ARFIP1: variants seen among roughly 807,000 people sequenced by gnomAD.
ARFIP1 encodes arfaptin-1.
A neutral mutation model predicts 42.5 loss-of-function variants in ARFIP1; 24 were observed. That is an observed-to-expected ratio of 0.57 (90% confidence interval 0.41 to 0.80). The LOEUF (loss-of-function observed/expected upper bound fraction) is 0.80, where lower values mean the gene tolerates loss of function less well. Among genes scored for constraint, ARFIP1 ranks in the 30% least tolerant of loss-of-function variants. The pLI, the probability that ARFIP1 is intolerant of heterozygous loss-of-function variation, is 0.00. For missense variants in ARFIP1, 354 were observed against 434.0 expected (o/e 0.82, Z 1.64); for synonymous variants, 141 against 153.7 (o/e 0.92, Z 0.61).
At chr4:152,857,333 A>G (rs554114944) in intron 2 of ARFIP1, among the ~76,000 whole-genome samples, 3 of 152,358 alleles carry the variant, frequency 2.0e-5, no homozygotes, top group South Asian at 2.1e-4. Flanking sequence ...ATTTAAATAA[A>G]TCTTTTAGAA....
At chr4:152,801,073 G>A (rs541552151) in intron 1 of ARFIP1, among the ~76,000 whole-genome samples, 12 of 152,302 alleles carry the variant, frequency 7.9e-5, no homozygotes, top group African/African-American at 2.6e-4. Flanking sequence ...GATTTTGAGT[G>A]TCAAGCTGAG....
chr4:152,823,258 T>G (rs1156363779), intron 1 of ARFIP1, among the ~76,000 whole-genome samples: 1 of 152,160 alleles, frequency 6.6e-6, no homozygotes, highest in Non-Finnish European at 1.5e-5. Flanking sequence ...TCGAGACTAC[T>G]GTGGACACCT....
intron 8 of ARFIP1, among the ~76,000 whole-genome samples, chr4:152,903,139 C>T (rs1737988972): frequency 6.6e-6 from 1 of 152,058 alleles, no homozygotes; most frequent in Non-Finnish European, 1.5e-5. Flanking sequence ...GCATTGAGGA[C>T]ATTATACACA....
At chr4:152,788,248 T>A (rs769580844) in intron 1 of ARFIP1, among the ~76,000 whole-genome samples, 1 of 152,136 alleles carries the variant, frequency 6.6e-6, no homozygotes, top group Non-Finnish European at 1.5e-5. Flanking sequence ...AAATGTGTTA[T>A]TAGTAGCTAT....
At chr4:152,804,704 T>C (rs932921503) in intron 1 of ARFIP1, among the ~76,000 whole-genome samples, 1 of 151,224 alleles carries the variant, frequency 6.6e-6, no homozygotes, top group Non-Finnish European at 1.5e-5. Context: ...GAAATAGGAA[T>C]AATAATGGTA....
intron 1 of ARFIP1, among the ~76,000 whole-genome samples, chr4:152,825,612 T>A (rs1730771522): frequency 6.6e-6 from 1 of 152,114 alleles, no homozygotes; most frequent in African/African-American, 2.4e-5. Flanking sequence ...CAAAAACTCT[T>A]CTGGACATTG....
At chr4:152,789,499 T>G (rs1368670836) in intron 1 of ARFIP1, among the ~76,000 whole-genome samples, 1 of 152,208 alleles carries the variant, frequency 6.6e-6, no homozygotes. Context: ...GTTTTCCCCC[T>G]CCTTTTGTAT....
chr4:152,850,716 A>C (rs1035274545), intron 2 of ARFIP1: 2 of 152,234 alleles, frequency 1.3e-5, no homozygotes, highest in African/African-American at 4.8e-5. Flanking sequence ...GGTGATTCCT[A>C]CTGAAATTAA....
intron 8 of ARFIP1, among the ~76,000 whole-genome samples, chr4:152,907,588 C>T (rs1409642463): frequency 2.6e-5 from 4 of 152,076 alleles, no homozygotes; most frequent in South Asian, 4.1e-4. Context: ...ATGAATATAT[C>T]ATTCACATAT....
chr4:152,828,831 CT>C (rs1731043748), intron 1 of ARFIP1, among the ~76,000 whole-genome samples: 1 of 152,186 alleles, frequency 6.6e-6, no homozygotes, highest in Non-Finnish European at 1.5e-5. Context: ...CCTATGCTCT[CT>C]TTATGAGCTT....
intron 1 of ARFIP1, among the ~76,000 whole-genome samples, chr4:152,813,548 A>G (rs1025883472): frequency 3.3e-5 from 5 of 151,958 alleles, no homozygotes; most frequent in East Asian, 1.9e-4. Flanking sequence ...TTTTCTGATT[A>G]CTTTTTAGCT....
At chr4:152,798,414 C>G (rs1731605256) in intron 1 of ARFIP1, among the ~76,000 whole-genome samples, 1 of 151,970 alleles carries the variant, frequency 6.6e-6, no homozygotes, top group South Asian at 2.1e-4. Flanking sequence ...CGTCCTAATT[C>G]TTGTTTCTTT....
intron 4 of ARFIP1, among the ~76,000 whole-genome samples, chr4:152,871,452 T>C (rs559804292): frequency 6.6e-6 from 1 of 152,330 alleles, no homozygotes; most frequent in South Asian, 2.1e-4. Flanking sequence ...TCTTCTTATA[T>C]GAAATGTTAA....
At chr4:152,896,057 T>A (rs946470387) in intron 8 of ARFIP1, among the ~76,000 whole-genome samples, 8 of 151,746 alleles carry the variant, frequency 5.3e-5, no homozygotes, top group African/African-American at 1.9e-4. Flanking sequence ...CAGGTGTGTG[T>A]GTTGCGGGGG....
chr4:152,882,222 G>A (rs1332321350), intron 6 of ARFIP1, among the ~76,000 whole-genome samples: 1 of 152,074 alleles, frequency 6.6e-6, no homozygotes, highest in Non-Finnish European at 1.5e-5. Flanking sequence ...CTGAGCTTGG[G>A]AGTCAGCTAG....
At chr4:152,801,221 A>G (rs1270011118) in intron 1 of ARFIP1, among the ~76,000 whole-genome samples, 1 of 152,188 alleles carries the variant, frequency 6.6e-6, no homozygotes, top group African/African-American at 2.4e-5. Flanking sequence ...CAAGAGTGCT[A>G]ATTGACATAG....
At chr4:152,796,349 G>A (rs1033983313) in intron 1 of ARFIP1, 61 of 739,278 alleles carry the variant, frequency 8.3e-5, no homozygotes, top group South Asian at 7.3e-4. Context: ...TTCATATTTA[G>A]GTGGTTTTCT....
At chr4:152,785,730 G>A (rs1396606601) in intron 1 of ARFIP1, among the ~76,000 whole-genome samples, 1 of 152,204 alleles carries the variant, frequency 6.6e-6, no homozygotes, top group East Asian at 1.9e-4. Flanking sequence ...AGTAGGTATT[G>A]GGGAATCAGA....
At chr4:152,907,941 T>C (rs1738506916) in intron 8 of ARFIP1, among the ~76,000 whole-genome samples, 1 of 152,226 alleles carries the variant, frequency 6.6e-6, no homozygotes, top group South Asian at 2.1e-4. Context: ...ATATCTTTCA[T>C]TTTACTAGTT....
Sources: gnomAD v4.1 joint callset for allele counts (sites outside exome capture counted in the v4.1 genomes callset) on GRCh38, gnomAD v4.1.1 for gene constraint, MANE v1.5 for transcripts, NCBI Gene and HGNC (gene_info 2026-07-23, HGNC 2026-07-21) for gene names.